FAM83H: variants seen among roughly 807,000 people sequenced by gnomAD.
FAM83H encodes the protein protein FAM83H.
A neutral mutation model predicts 30.2 loss-of-function variants in FAM83H; 24 were observed. The ratio of observed to expected loss-of-function variants is 0.79; its 90% CI spans 0.57 to 1.12. FAM83H has a LOEUF of 1.12. FAM83H is among the 50% of genes most tolerant of loss of function. The pLI is 0.00. For missense variants in FAM83H, 2,038 were observed against 1,773.9 expected (o/e 1.15, Z -2.67); for synonymous variants, 1,013 against 821.7 (o/e 1.23, Z -3.98).
In FAM83H at chr8:143,727,926, G is replaced by A. The variant is rs1554622969; in HGVS notation, c.1535C>T (p.Pro512Leu). ...GCGCACCTCGCGGGACGCGCTGGACGGCACGTAGTCCAGCCGCTGGTGCCC... is the reference window on the plus strand; with the variant it reads ...GCGCACCTCGCGGGACGCGCTGGACAGCACGTAGTCCAGCCGCTGGTGCCC... ...PDGHQRLDYV[P>L]SSASREVRHG... Residue 512 changes from proline (P) to leucine (L), a missense_variant, in exon 5 of 5, where the codon CCG becomes CTG. Transcript: ENST00000388913. 3.3e-6 allele frequency: 5 copies of A among 1,532,662 alleles called. No homozygotes were observed. Among genetic ancestry groups the A allele is most frequent in the Non-Finnish European group, 3.5e-6 (4 of 1,146,062 alleles). 94.9% of individuals were successfully genotyped at this position (1,532,662 alleles called of 1,614,324 possible). A position where few individuals can be genotyped will look rare whatever the true frequency, so the allele number is the denominator to read the frequency against.
chr8:143,730,728 C>G, intron 1 of FAM83H, 131 bp from the exon 2 acceptor site: 1 of 685,346 alleles, frequency 1.5e-6, no homozygotes, highest in South Asian at 2.2e-5. Context: ...GCCCAGGAGG[C>G]CTTCCAGGGC....
In FAM83H at chr8:143,726,613, G is replaced by A. The variant is rs782663465; in HGVS notation, c.2848C>T (p.Pro950Ser). Residue 950 changes from proline (P) to serine (S), a missense_variant, in exon 5 of 5, where the codon CCC (proline) becomes TCC (serine). Transcript: ENST00000388913. ...GGGCCGCTCGGCCCCTCCTCCGCGGGCCCGGCCTTCGGGGACTCCCCGGAG... is the reference window on the plus strand; with the variant it reads ...GGGCCGCTCGGCCCCTCCTCCGCGGACCCGGCCTTCGGGGACTCCCCGGAG... ...TISGESPKAG[P>S]AEEGPSGPME... is the part of the protein sequence containing the mutation. 4 of 1,600,166 alleles carry A rather than the reference G, an allele frequency of 2.5e-6. No individual in the cohort carries two copies. The highest frequency in any genetic ancestry group is 2.5e-6 in the Non-Finnish European group (3 of 1,178,770).
Position 143,726,320 on chromosome 8 carries a change from G to T in FAM83H, c.3141C>A (p.Ile1047=), listed in dbSNP as rs1818290525. Residue 1047 remains isoleucine (I), a synonymous_variant, in exon 5 of 5, where the codon ATC becomes ATA. Transcript: ENST00000388913. The part of the protein sequence containing the change: ...RDDTKAILEQ[I]SAHGQKHRAV... ...CACGGTGCTTCTGGCCGTGGGCACT[G>T]ATCTGCTCCAGAATGGCCTTCGTGT... The T allele has an allele frequency of 6.2e-7, 1 of 1,612,238 alleles. No individual in the cohort carries two copies. Among genetic ancestry groups the T allele is most frequent in the South Asian group, 1.1e-5 (1 of 91,010 alleles).
chr8:143,728,127 G>T lies in FAM83H; in HGVS notation c.1334C>A (p.Thr445Asn). The T allele has an allele frequency of 6.2e-7, 1 of 1,610,522 alleles. No individual in the cohort carries two copies. The highest frequency in any genetic ancestry group is 2.2e-5 in the East Asian group (1 of 44,792). Residue 445 changes from threonine (T) to asparagine (N), a missense_variant, in exon 5 of 5, where the codon ACC (threonine) becomes AAC (asparagine). By Grantham distance (65) the Thr-to-Asn change is moderately conservative. Transcript: ENST00000388913. Reference sequence around the variant, plus strand: ...GAGCTGGTCACGGTGGAAGTGGCTGGTCTGGAAGCGGAAGTCGTCGCCGTG... The same window carrying T: ...GAGCTGGTCACGGTGGAAGTGGCTGTTCTGGAAGCGGAAGTCGTCGCCGTG... ...LSHGDDFRFQ[T>N]SHFHRDQLYQ...
rs782310117 is a variant in FAM83H, at chr8:143,728,738, G to C, written c.738-15C>G. On this transcript the variant is annotated splice_polypyrimidine_tract_variant and intron_variant, in intron 4 of 4. Transcript: ENST00000388913. Reference sequence around the variant, plus strand: ...ACCACATGAAGCTGTGGGGGGGTCAGGGCCAGAGTCAAACCGAGCTGGAGC... The same window carrying C: ...ACCACATGAAGCTGTGGGGGGGTCACGGCCAGAGTCAAACCGAGCTGGAGC... 6.3e-7 allele frequency: 1 copy of C among 1,598,734 alleles called. No individual in the cohort carries two copies. The highest frequency in any genetic ancestry group is 1.1e-5 in the South Asian group (1 of 91,084).
At position 143,726,892 on chromosome 8, in the gene FAM83H, AC is replaced by A. The variant is rs781984260; in HGVS notation, c.2568del (p.Ser857ProfsTer117). On this transcript the variant is annotated frameshift_variant, in exon 5 of 5. Transcript: ENST00000388913. LOFTEE classifies it low-confidence loss of function (END_TRUNC). Reference protein sequence around the residue: ...QGLDSPLPLEGSGAHQVLHNE... With the variant: ...QGLDSPLPLEXSGAHQVLHNE... ...TTATGGAGCACCTGGTGCGCTCCGG[AC>A]CCTTCCAGCGGCAGAGGGCTGTCCA... is the stretch of plus-strand genomic sequence containing the variant. 6.2e-7 allele frequency: 1 copy of A among 1,612,546 alleles called. No homozygotes were observed. Among genetic ancestry groups the A allele is most frequent in the East Asian group, 2.2e-5 (1 of 44,832 alleles).
In FAM83H at chr8:143,729,334, G is replaced by A. The variant is rs377066916; in HGVS notation, c.448-11C>T. The A allele has an allele frequency of 7.4e-6, 12 of 1,612,466 alleles. No individual in the cohort carries two copies. Among genetic ancestry groups the A allele is most frequent in the African/African-American group, 2.7e-5 (2 of 74,906 alleles). On this transcript the variant is annotated splice_polypyrimidine_tract_variant and intron_variant, in intron 2 of 4. Coordinates refer to ENST00000388913, the MANE Select transcript of FAM83H (RefSeq NM_198488.5). ...CACCACGGCCACCACCTGCAGGGGC[G>A]GGTCAGGACGGAGAGGAGAGGCCCC...
chr8:143,731,569 C>A, intron 1 of FAM83H: 1 of 985,216 alleles, frequency 1.0e-6, no homozygotes, highest in Non-Finnish European at 1.2e-6. Flanking sequence ...TCTCCCAGCA[C>A]CCCCTCCTTC....
Position 143,728,138 on chromosome 8 carries a change from G to C in FAM83H, c.1323C>G (p.Phe441Leu). Residue 441 changes from phenylalanine to leucine, a missense_variant, in exon 5 of 5, where the codon TTC (phenylalanine) becomes TTG (leucine). Transcript: ENST00000388913. ...RQTFLSHGDDFRFQTSHFHRD... is the reference protein window; with the variant it reads ...RQTFLSHGDDLRFQTSHFHRD... Reference sequence around the variant, plus strand: ...GGTGGAAGTGGCTGGTCTGGAAGCGGAAGTCGTCGCCGTGGCTGAGGAACG... The same window carrying C: ...GGTGGAAGTGGCTGGTCTGGAAGCGCAAGTCGTCGCCGTGGCTGAGGAACG... 2 of 1,609,838 alleles carry C rather than the reference G, an allele frequency of 1.2e-6. No homozygotes were observed. The highest frequency in any genetic ancestry group is 1.7e-6 in the Non-Finnish European group (2 of 1,179,250).
chr8:143,732,372 G>A (rs1818554602), intron 1 of FAM83H: 4 of 985,298 alleles, frequency 4.1e-6, no homozygotes, highest in Non-Finnish European at 4.8e-6. Context: ...GGGGTGAGGT[G>A]TAGGCCTGTC....
Position 143,726,941 on chromosome 8 carries a change from G to A in FAM83H, c.2520C>T (p.Ser840=), listed in dbSNP as rs782215806. The A allele has an allele frequency of 1.9e-6, 3 of 1,611,284 alleles. No individual in the cohort carries two copies. The highest frequency in any genetic ancestry group is 8.5e-7 in the Non-Finnish European group (1 of 1,179,468). Residue 840 remains serine, a synonymous_variant, in exon 5 of 5, where the codon AGC becomes AGT. Transcript: ENST00000388913. ...CCAGCCCTTGCGGGGACGTTGAGTGGCTCTGGGCAGAGAGGAAGCGGGAAG... is the reference window on the plus strand; with the variant it reads ...CCAGCCCTTGCGGGGACGTTGAGTGACTCTGGGCAGAGAGGAAGCGGGAAG... The part of the protein sequence containing the change: ...RLPSRFLSAQ[S]HSTSPQGLDS...
chr8:143,730,745 C>T lies in FAM83H; in HGVS notation c.-15-148G>A, dbSNP rs374728333. On this transcript the variant is annotated intron_variant, in intron 1 of 4. Coordinates refer to ENST00000388913, the MANE Select transcript of FAM83H (RefSeq NM_198488.5). ...CCAGGAGGCCTTCCAGGGCACCAGC[C>T]GAACCAGGCTCACAGAGAGCAACCC... 1,979 of 630,304 alleles carry T rather than the reference C, an allele frequency of 3.1e-3. 12 individuals carry two copies. The highest frequency in any genetic ancestry group is 0.017 in the South Asian group (740 of 43,148). 39.0% of individuals were successfully genotyped at this position (630,304 alleles called of 1,614,324 possible). A position where few individuals can be genotyped will look rare whatever the true frequency, so the allele number is the denominator to read the frequency against.
intron 1 of FAM83H, among the ~76,000 whole-genome samples, chr8:143,731,116 G>A (rs1818501809): frequency 4.5e-5 from 1 of 22,076 alleles, no homozygotes; most frequent in African/African-American, 6.9e-5. Flanking sequence ...AAAATAAAAC[G>A]AACCCCCCCC....
In FAM83H at chr8:143,726,123, G is replaced by T; in HGVS notation, c.3338C>A (p.Ala1113Glu). ...GCGCAGCAGCCGATCGCGCTCCTCC[G>T]CGCTGGCTGGCAGCGTGCGGCTCAG... ...GRLSRTLPAS[A>E]EERDRLLRRM... is the part of the protein sequence containing the mutation. Residue 1113 changes from alanine (A) to glutamate (E), a missense_variant, in exon 5 of 5, where the codon GCG (alanine) becomes GAG (glutamate). Ala to Glu is a moderately radical substitution (Grantham distance 107). Coordinates refer to ENST00000388913, the MANE Select transcript of FAM83H (RefSeq NM_198488.5). 6.2e-7 allele frequency: 1 copy of T among 1,611,394 alleles called. No individual in the cohort carries two copies. The highest frequency in any genetic ancestry group is 8.5e-7 in the Non-Finnish European group (1 of 1,179,288).
At chr8:143,732,498 T>TG in intron 1 of FAM83H, 1 of 985,302 alleles carries the variant, frequency 1.0e-6, no homozygotes, top group Non-Finnish European at 1.2e-6. Context: ...TTCCCGACAC[T>TG]GGGGGGACAC....
chr8:143,730,018 C>A, intron 2 of FAM83H, 118 bp downstream of exon 2: 6 of 945,826 alleles, frequency 6.3e-6, no homozygotes, highest in Non-Finnish European at 9.1e-6. Flanking sequence ...CCAGGGACCC[C>A]CACTCCAGCT....
At position 143,733,123 on chromosome 8, in the gene FAM83H, A is replaced by G; in HGVS notation, c.-16+568T>C. 6.5e-6 allele frequency: 1 copy of G among 154,438 alleles called. No individual in the cohort carries two copies. The allele number at this position is 154,438 out of a possible 1,614,324, so 9.6% of individuals were successfully genotyped here. ...CACAGACCGGAAGTCGCTCAGTGAT[A>G]ACTTGCGGAGTGGGCACCCCAGCCC... On this transcript the variant is annotated intron_variant, in intron 1 of 4. Transcript: ENST00000388913. The surrounding 1 kb of genome is among the most constrained non-coding windows in gnomAD (Gnocchi z 5.6).
In FAM83H at chr8:143,725,585, A is replaced by C. The variant is rs1227814122; in HGVS notation, c.*336T>G. On this transcript the variant is annotated 3_prime_UTR_variant, in exon 5 of 5. Coordinates refer to ENST00000388913, the MANE Select transcript of FAM83H (RefSeq NM_198488.5). ...CACTCCAGCCCTAGGTCTCAAAAAAATAAAGGGGGCGGGGGGGACTGAGGC... is the reference window on the plus strand; with the variant it reads ...CACTCCAGCCCTAGGTCTCAAAAAACTAAAGGGGGCGGGGGGGACTGAGGC... 2.3e-6 allele frequency: 1 copy of C among 437,616 alleles called. No individual in the cohort carries two copies. The highest frequency in any genetic ancestry group is 2.0e-5 in the African/African-American group (1 of 50,494). The allele number at this position is 437,616 out of a possible 1,614,324, so 27.1% of individuals were successfully genotyped here. A position where few individuals can be genotyped will look rare whatever the true frequency, so the allele number is the denominator to read the frequency against.
chr8:143,732,746 C>A (rs1554624811), intron 1 of FAM83H: 2 of 985,210 alleles, frequency 2.0e-6, no homozygotes, highest in Non-Finnish European at 2.4e-6. Flanking sequence ...ACTCCCGAGC[C>A]CAAGATGGAG....
Sources: allele counts gnomAD v4.1 joint callset (sites outside exome capture counted in the v4.1 genomes callset), GRCh38; gene constraint gnomAD v4.1.1; non-coding constraint Gnocchi (gnomAD v3.1); transcripts MANE v1.5; gene names NCBI Gene and HGNC (gene_info 2026-07-23, HGNC 2026-07-21).